MSRA: variants seen among roughly 807,000 people sequenced by gnomAD.
MSRA encodes the protein mitochondrial peptide methionine sulfoxide reductase.
Under a neutral mutation model 31.3 loss-of-function variants are expected in MSRA, and 54 were observed. The ratio of observed to expected loss-of-function variants is 1.73; its 90% confidence interval spans 1.39 to 2.17. The LOEUF is 2.17. Ranked by LOEUF, MSRA falls within the 30% of genes most tolerant of loss-of-function variation. MSRA has a pLI of 0.00. For missense variants in MSRA, 507 were observed against 300.9 expected, an observed-to-expected ratio of 1.69 and a Z score of -5.07; for synonymous variants, 169 against 116.5, an observed-to-expected ratio of 1.45 and a Z score of -2.90.
chr8:10,276,445 C>A (rs1156496317), intron 3 of MSRA, among the ~76,000 whole-genome samples: 1 of 152,186 alleles, frequency 6.6e-6, no homozygotes, highest in African/African-American at 2.4e-5. Flanking sequence ...CCTGACAATT[C>A]CGGCCTCACA....
intron 1 of MSRA, among the ~76,000 whole-genome samples, chr8:10,114,203 T>C (rs1224155808): frequency 1.3e-5 from 2 of 152,210 alleles, no homozygotes; most frequent in African/African-American, 4.8e-5. Context: ...TTTGACATTT[T>C]ATTTATCCAT....
At chr8:10,087,253 G>A (rs1798608822) in intron 1 of MSRA, among the ~76,000 whole-genome samples, 1 of 152,178 alleles carries the variant, frequency 6.6e-6, no homozygotes, top group African/African-American at 2.4e-5. Context: ...GTTGGTGGAT[G>A]ACTCATGAAC....
At chr8:10,222,610 G>C (rs1176189008) in intron 2 of MSRA, among the ~76,000 whole-genome samples, 1 of 152,106 alleles carries the variant, frequency 6.6e-6, no homozygotes, top group African/African-American at 2.4e-5. Context: ...TGGATGCATG[G>C]ATTAAAACCT....
At chr8:10,358,016 G>A (rs758503626) in intron 5 of MSRA, among the ~76,000 whole-genome samples, 4 of 152,174 alleles carry the variant, frequency 2.6e-5, no homozygotes, top group African/African-American at 9.7e-5. Context: ...TCTGCTTCCT[G>A]GGTCCAAGCA....
chr8:10,393,433 C>T (rs1041446703), intron 5 of MSRA, among the ~76,000 whole-genome samples: 1 of 152,124 alleles, frequency 6.6e-6, no homozygotes, highest in Non-Finnish European at 1.5e-5. Flanking sequence ...ATATTCTAGG[C>T]AATAAGGATG....
At position 10,137,350 on chromosome 8, in the gene MSRA, C is replaced by T. The variant is rs569117840; in HGVS notation, c.143-70483C>T. Among the ~76,000 whole-genome samples, 375 of 152,182 alleles carry T rather than the reference C, an allele frequency of 2.5e-3. 3 individuals carry two copies. Among genetic ancestry groups the T allele is most frequent in the Non-Finnish European group, 3.5e-3 (240 of 68,006 alleles). On this transcript the variant is annotated intron_variant, in intron 1 of 5. Transcript: ENST00000317173. ...ACGTCTTGGTGCCTGCCATTTTTCA[C>T]GGCCATCATCTGAAAGGTTCTTTCC...
intron 3 of MSRA, among the ~76,000 whole-genome samples, chr8:10,282,680 G>T (rs139643247): frequency 8.9e-4 from 135 of 152,318 alleles, no homozygotes; most frequent in African/African-American, 3.0e-3. Context: ...GAGTGGGGAT[G>T]CCCTTGTATT....
chr8:10,316,142 A>G (rs1801696950), intron 4 of MSRA, among the ~76,000 whole-genome samples: 1 of 152,220 alleles, frequency 6.6e-6, no homozygotes, highest in Non-Finnish European at 1.5e-5. Context: ...AACATTGTGC[A>G]GGTGATAGAT....
chr8:10,270,590 G>A (rs1798980028), intron 3 of MSRA, among the ~76,000 whole-genome samples: 1 of 152,144 alleles, frequency 6.6e-6, no homozygotes, highest in African/African-American at 2.4e-5. Context: ...GCCAGCACAG[G>A]GCCACTGAAA....
rs954727753 is a variant in MSRA, at chr8:10,061,485, T to C, written c.142+6827T>C. On this transcript the variant is annotated intron_variant, in intron 1 of 5. Coordinates refer to ENST00000317173, the MANE Select transcript of MSRA (RefSeq NM_012331.5). ...TGTACTACTTTATGAATCCTTTCTA[T>C]GGCATCTTGCGTTGCTAATTAGATG... Among the ~76,000 whole-genome samples, 18 of 152,198 alleles carry C rather than the reference T, an allele frequency of 1.2e-4. 1 individual carries two copies. Among genetic ancestry groups the C allele is most frequent in the African/African-American group, 2.4e-5 (1 of 41,456 alleles).
intron 3 of MSRA, among the ~76,000 whole-genome samples, chr8:10,257,926 G>C (rs111567463): frequency 1.3e-5 from 2 of 152,198 alleles, no homozygotes; most frequent in African/African-American, 2.4e-5. Context: ...AGAAGCAGGA[G>C]ATGAGTTCAT....
intron 1 of MSRA, among the ~76,000 whole-genome samples, chr8:10,082,856 G>A (rs561295267): frequency 1.3e-5 from 2 of 152,342 alleles, no homozygotes; most frequent in African/African-American, 4.8e-5. Context: ...CCAAAGTGCC[G>A]TGAACAGAGT....
At chr8:10,333,826 T>G (rs1802854642) in intron 5 of MSRA, among the ~76,000 whole-genome samples, 1 of 151,694 alleles carries the variant, frequency 6.6e-6, no homozygotes, top group Admixed American at 6.6e-5. Flanking sequence ...CCACGCTGAG[T>G]GGGACCTTCC....
intron 5 of MSRA, among the ~76,000 whole-genome samples, chr8:10,372,025 G>A (rs1805506626): frequency 6.6e-6 from 1 of 152,224 alleles, no homozygotes; most frequent in Non-Finnish European, 1.5e-5. Context: ...GAACGAGCTT[G>A]TTGATGCCAT....
intron 2 of MSRA, among the ~76,000 whole-genome samples, chr8:10,239,467 T>C (rs946834193): frequency 3.3e-5 from 5 of 152,192 alleles, no homozygotes; most frequent in Admixed American, 6.5e-5. Flanking sequence ...GCTCGAAATA[T>C]GATTTTAAGC....
At chr8:10,128,225 A>T (rs1294040450) in intron 1 of MSRA, among the ~76,000 whole-genome samples, 1 of 152,092 alleles carries the variant, frequency 6.6e-6, no homozygotes, top group African/African-American at 2.4e-5. Context: ...TAAAAATTCA[A>T]AACATTAGCC....
chr8:10,124,078 G>T (rs531062613), intron 1 of MSRA, among the ~76,000 whole-genome samples: 1 of 152,096 alleles, frequency 6.6e-6, no homozygotes, highest in African/African-American at 2.4e-5. Flanking sequence ...GTGTGGGTGG[G>T]GCTGCAGCCT....
At chr8:10,392,473 C>A (rs985630321) in intron 5 of MSRA, among the ~76,000 whole-genome samples, 1 of 152,140 alleles carries the variant, frequency 6.6e-6, no homozygotes, top group Admixed American at 6.5e-5. Flanking sequence ...CTCCCTCCAA[C>A]CTGCTCCTGC....
At chr8:10,350,218 C>G (rs1358203220) in intron 5 of MSRA, among the ~76,000 whole-genome samples, 4 of 152,264 alleles carry the variant, frequency 2.6e-5, no homozygotes, top group African/African-American at 9.6e-5. Flanking sequence ...CACAAAGACA[C>G]CTGCTTTGCA....
Sources: gnomAD v4.1 joint callset for allele counts (sites outside exome capture counted in the v4.1 genomes callset) on GRCh38, gnomAD v4.1.1 for gene constraint, MANE v1.5 for transcripts, NCBI Gene and HGNC (gene_info 2026-07-23, HGNC 2026-07-21) for gene names.